Variants in CEP55 observed in about 807,000 individuals in gnomAD.
CEP55 encodes the protein centrosomal protein of 55 kDa.
A neutral mutation model predicts 63.2 loss-of-function variants in CEP55; 57 were observed. The ratio of observed to expected loss-of-function variants is 0.90; its 90% CI spans 0.73 to 1.13. CEP55 has a LOEUF of 1.13. Among genes scored for constraint, CEP55 ranks in the 50% most tolerant of loss-of-function variants. CEP55 has a pLI of 0.00. For synonymous variants in CEP55, 178 were observed against 191.6 expected (o/e 0.93, Z 0.59); for missense variants, 456 against 518.9 (o/e 0.88, Z 1.18).
At position 93,516,919 on chromosome 10, in the gene CEP55, A is replaced by G. The variant is rs1315478162; in HGVS notation, c.680-16A>G. Reference sequence around the variant, plus strand: ...ATTTTATAAAGTGAGTTGTGCCGTAATGTTGTTTGTCATAGGTTATCTTCA... The same window carrying G: ...ATTTTATAAAGTGAGTTGTGCCGTAGTGTTGTTTGTCATAGGTTATCTTCA... On this transcript the variant is annotated splice_polypyrimidine_tract_variant and intron_variant, in intron 5 of 8. Transcript: ENST00000371485. 1 of 1,528,890 alleles carries G rather than the reference A, an allele frequency of 6.5e-7. No homozygotes were observed. The highest frequency in any genetic ancestry group is 2.3e-5 in the East Asian group (1 of 43,974). 94.7% of individuals were successfully genotyped at this position (1,528,890 alleles called of 1,614,324 possible). A position where few individuals can be genotyped will look rare whatever the true frequency, so the allele number is the denominator to read the frequency against.
At chr10:93,523,460 A>G (rs2057885416) in intron 8 of CEP55, among the ~76,000 whole-genome samples, 1 of 152,198 alleles carries the variant, frequency 6.6e-6, no homozygotes, top group Non-Finnish European at 1.5e-5. Flanking sequence ...AGACCTAAAA[A>G]GAGACTTAGA....
intron 3 of CEP55, among the ~76,000 whole-genome samples, chr10:93,506,274 T>C (rs1244719921): frequency 6.6e-6 from 1 of 152,156 alleles, no homozygotes; most frequent in Non-Finnish European, 1.5e-5. Flanking sequence ...AAAACATGAT[T>C]CTAGAAAAAA....
chr10:93,502,848 A>G (rs1343261329), intron 2 of CEP55, among the ~76,000 whole-genome samples: 1 of 152,178 alleles, frequency 6.6e-6, no homozygotes, highest in Non-Finnish European at 1.5e-5. Context: ...CCCTTGATAG[A>G]GGTGGTTTCT....
In CEP55 at chr10:93,503,247, GAC is replaced by G; in HGVS notation, c.320_321del (p.Thr107AsnfsTer16). 1 of 1,614,120 alleles carries G rather than the reference GAC, an allele frequency of 6.2e-7. No individual in the cohort carries two copies. Among genetic ancestry groups the G allele is most frequent in the Admixed American group, 1.7e-5 (1 of 60,008 alleles). Reference sequence around the variant, plus strand: ...CCACATTGCTTGAACAGCTGGAAGAGACAACGAGAGAAGGAGAAAGGAGGGAG... The same window carrying G: ...CCACATTGCTTGAACAGCTGGAAGAGAACGAGAGAAGGAGAAAGGAGGGAG... ...TTTLLEQLEE[T>X]TREGERREQV... On this transcript the variant is annotated frameshift_variant, in exon 3 of 9. Transcript: ENST00000371485. LOFTEE classifies it high-confidence loss of function.
chr10:93,526,689 G>A (rs12765157), intron 8 of CEP55, among the ~76,000 whole-genome samples: 97,501 of 151,784 alleles, frequency 0.64, 34,134 homozygotes, highest in Non-Finnish European at 0.77. Flanking sequence ...CAACCCAAAT[G>A]TCCAACAACG....
intron 4 of CEP55, among the ~76,000 whole-genome samples, chr10:93,511,737 G>A (rs1250915802): frequency 6.6e-6 from 1 of 151,812 alleles, no homozygotes. Context: ...GGAGTAGCTG[G>A]GACCACTGGC....
At chr10:93,504,306 C>G (rs374621147) in intron 3 of CEP55, among the ~76,000 whole-genome samples, 5 of 152,134 alleles carry the variant, frequency 3.3e-5, no homozygotes, top group Admixed American at 3.3e-4. Flanking sequence ...AACCCCATCT[C>G]TACTAAAAAT....
chr10:93,501,996 A>G (rs556761812), intron 2 of CEP55, among the ~76,000 whole-genome samples: 11 of 152,328 alleles, frequency 7.2e-5, no homozygotes, highest in Admixed American at 1.3e-4. Context: ...AATTGTGCCT[A>G]TTAAAGTTAC....
chr10:93,525,533 C>T (rs1199541369), intron 8 of CEP55, among the ~76,000 whole-genome samples: 54 of 151,964 alleles, frequency 3.6e-4, no homozygotes, highest in Admixed American at 1.2e-3. Context: ...ATAGATTCAA[C>T]GCCATCCCCA....
At chr10:93,500,339 C>T (rs999795553) in intron 2 of CEP55, 105 bp downstream of exon 2, 2 of 978,936 alleles carry the variant, frequency 2.0e-6, no homozygotes, top group African/African-American at 3.3e-5. Context: ...CTGTCTTGTC[C>T]AGTTGATTAG....
intron 5 of CEP55, among the ~76,000 whole-genome samples, chr10:93,516,265 A>G (rs2057802399): frequency 6.6e-6 from 1 of 152,250 alleles, no homozygotes; most frequent in Non-Finnish European, 1.5e-5. Flanking sequence ...AACAAGACTC[A>G]TAAGATTGGA....
intron 8 of CEP55, among the ~76,000 whole-genome samples, chr10:93,523,548 A>C (rs1187126214): frequency 6.6e-6 from 1 of 152,184 alleles, no homozygotes; most frequent in African/African-American, 2.4e-5. Flanking sequence ...AAAGTTAACA[A>C]GGATATCCAG....
intron 6 of CEP55, among the ~76,000 whole-genome samples, chr10:93,517,788 A>G (rs1011054065): frequency 6.6e-6 from 1 of 152,256 alleles, no homozygotes; most frequent in Non-Finnish European, 1.5e-5. Context: ...GGAATTGAAC[A>G]GTACTTTGAT....
intron 4 of CEP55, among the ~76,000 whole-genome samples, chr10:93,508,237 T>A (rs1022128358): frequency 6.6e-6 from 1 of 152,248 alleles, no homozygotes; most frequent in Admixed American, 6.5e-5. Flanking sequence ...AGTGTATTTT[T>A]TTCAAGTTTT....
intron 8 of CEP55, among the ~76,000 whole-genome samples, chr10:93,526,486 G>A (rs1306687276): frequency 2.0e-5 from 3 of 152,152 alleles, no homozygotes; most frequent in Non-Finnish European, 4.4e-5. Context: ...CACTGTTGGT[G>A]GGACTGTAAA....
intron 1 of CEP55, among the ~76,000 whole-genome samples, chr10:93,499,057 T>G (rs923726101): frequency 2.0e-5 from 3 of 152,224 alleles, no homozygotes; most frequent in African/African-American, 4.8e-5. Flanking sequence ...TGCTAAAGTT[T>G]ATATTATATA....
At chr10:93,516,614 A>G (rs964822607) in intron 5 of CEP55, among the ~76,000 whole-genome samples, 17 of 152,082 alleles carry the variant, frequency 1.1e-4, no homozygotes, top group Non-Finnish European at 2.2e-4. Context: ...TAATATTTCT[A>G]TTTTTAATTT....
intron 8 of CEP55, among the ~76,000 whole-genome samples, chr10:93,525,193 A>G (rs1470277767): frequency 2.0e-5 from 3 of 152,130 alleles, no homozygotes; most frequent in Non-Finnish European, 2.9e-5. Flanking sequence ...AGAAAACCCC[A>G]TCATCTCAGC....
intron 6 of CEP55, 103 bp from the exon 7 acceptor site, chr10:93,518,774 C>A: frequency 1.4e-6 from 1 of 725,198 alleles, no homozygotes; most frequent in Non-Finnish European, 2.4e-6. Flanking sequence ...CAGGTGTTGT[C>A]CTGGTTAGAG....
Sources: gnomAD v4.1 joint callset for allele counts (sites outside exome capture counted in the v4.1 genomes callset) on GRCh38, gnomAD v4.1.1 for gene constraint, MANE v1.5 for transcripts, NCBI Gene and HGNC (gene_info 2026-07-23, HGNC 2026-07-21) for gene names.